Variants in RPH3A observed in about 807,000 individuals in gnomAD.
RPH3A encodes rabphilin 3A.
In RPH3A, 48 loss-of-function variants were observed where a neutral mutation model predicts 102.2. The observed-to-expected ratio is 0.47, with a 90% CI of 0.37 to 0.60. RPH3A has a LOEUF of 0.60. Ranked by LOEUF, RPH3A falls within the 20% of genes least tolerant of loss-of-function variation. RPH3A has a pLI of 0.00. For synonymous variants in RPH3A, 310 were observed against 324.3 expected, an observed-to-expected ratio of 0.96 and a Z score of 0.47; for missense variants, 781 against 910.1, an observed-to-expected ratio of 0.86 and a Z score of 1.83.
At chr12:112,852,110 C>A (rs1414440593) in intron 5 of RPH3A, among the ~76,000 whole-genome samples, 2 of 152,148 alleles carry the variant, frequency 1.3e-5, no homozygotes, top group African/African-American at 2.4e-5. Context: ...TTGGGCTGGG[C>A]TGGAAGGTGC....
At chr12:112,671,202 A>G (rs372702413) in intron 1 of RPH3A, among the ~76,000 whole-genome samples, 1 of 152,228 alleles carries the variant, frequency 6.6e-6, no homozygotes, top group East Asian at 1.9e-4. Context: ...CATATTAATT[A>G]GATACAGATT....
chr12:112,823,086 A>G (rs2041808042), intron 2 of RPH3A, among the ~76,000 whole-genome samples: 1 of 152,194 alleles, frequency 6.6e-6, no homozygotes, highest in African/African-American at 2.4e-5. Flanking sequence ...GTGATCTCTC[A>G]GTGTAGCCTG....
intron 1 of RPH3A, among the ~76,000 whole-genome samples, chr12:112,716,863 G>A (rs181192268): frequency 7.9e-5 from 12 of 152,330 alleles, no homozygotes; most frequent in Non-Finnish European, 7.3e-5. Flanking sequence ...GTGAGCACAG[G>A]TACACATTGG....
chr12:112,591,149 G>A (rs1370474772), intron 1 of RPH3A, among the ~76,000 whole-genome samples: 1 of 148,794 alleles, frequency 6.7e-6, no homozygotes, highest in East Asian at 2.0e-4. Context: ...ATGGGGTCTT[G>A]CTGTGTTGCC....
intron 1 of RPH3A, among the ~76,000 whole-genome samples, chr12:112,733,670 G>T (rs2040649171): frequency 6.6e-6 from 1 of 152,232 alleles, no homozygotes; most frequent in African/African-American, 2.4e-5. Flanking sequence ...GATCCCGAAG[G>T]TTCTCCTTGC....
chr12:112,863,421 G>A (rs1011376274), intron 5 of RPH3A, among the ~76,000 whole-genome samples: 10 of 152,134 alleles, frequency 6.6e-5, no homozygotes, highest in African/African-American at 9.7e-5. Context: ...GGGTCCAAGC[G>A]GTTCTCCTGC....
At chr12:112,737,506 A>G (rs1022982530) in intron 1 of RPH3A, among the ~76,000 whole-genome samples, 2 of 152,174 alleles carry the variant, frequency 1.3e-5, no homozygotes, top group African/African-American at 4.8e-5. Flanking sequence ...GATCTTCCCC[A>G]AAGGGAATCT....
chr12:112,769,744 G>A (rs1179619040), intron 1 of RPH3A, among the ~76,000 whole-genome samples: 1 of 152,146 alleles, frequency 6.6e-6, no homozygotes, highest in Non-Finnish European at 1.5e-5. Flanking sequence ...ATATGGACTG[G>A]GGTCAGGCTA....
chr12:112,712,655 T>TTG (rs544401987), intron 1 of RPH3A, among the ~76,000 whole-genome samples: 78 of 150,338 alleles, frequency 5.2e-4, no homozygotes, highest in East Asian at 2.5e-3. Context: ...TGTCCCCTAC[T>TTG]TGTGTGTGTG....
chr12:112,605,407 C>T (rs1019165304), intron 1 of RPH3A, among the ~76,000 whole-genome samples: 12 of 151,758 alleles, frequency 7.9e-5, no homozygotes, highest in Admixed American at 3.3e-4. Flanking sequence ...AAAACAAAAA[C>T]AAAAAAATCC....
intron 13 of RPH3A, among the ~76,000 whole-genome samples, chr12:112,878,690 C>A (rs1381334962): frequency 6.6e-6 from 1 of 152,188 alleles, no homozygotes; most frequent in African/African-American, 2.4e-5. Context: ...ATATGGATAA[C>A]GAGAAGGTGC....
In RPH3A at chr12:112,762,853, A is replaced by G. The variant is rs145519595; in HGVS notation, c.-139-29290A>G. The stretch of plus-strand genomic sequence containing the variant: ...AGAGTCTGAGATGTCCTCTCACTGG[A>G]CCAGTTTTAGTCATGTGCTCATCCT... On this transcript the variant is annotated intron_variant, in intron 1 of 21. Transcript: ENST00000543106. Among the ~76,000 whole-genome samples the G allele has an allele frequency of 6.7e-3, 1,025 of 152,298 alleles. 14 individuals are homozygous for G. The highest frequency in any genetic ancestry group is 0.024 in the African/African-American group (990 of 41,564).
chr12:112,612,171 G>A (rs965757920), intron 1 of RPH3A, among the ~76,000 whole-genome samples: 1 of 152,152 alleles, frequency 6.6e-6, no homozygotes, highest in South Asian at 2.1e-4. Flanking sequence ...ATATTTTTTG[G>A]GGGGGTGGGC....
chr12:112,883,053 A>C (rs929259146), intron 15 of RPH3A, among the ~76,000 whole-genome samples: 17 of 152,178 alleles, frequency 1.1e-4, no homozygotes, highest in African/African-American at 4.1e-4. Flanking sequence ...AAGTTCAAGG[A>C]GGAGGCTTAG....
intron 1 of RPH3A, among the ~76,000 whole-genome samples, chr12:112,588,105 G>T (rs558696031): frequency 3.3e-5 from 5 of 152,316 alleles, no homozygotes; most frequent in Admixed American, 2.0e-4. Context: ...GCACCTCTAT[G>T]ATGTCTATCA....
intron 2 of RPH3A, among the ~76,000 whole-genome samples, chr12:112,815,879 G>A (rs943968364): frequency 6.6e-6 from 1 of 152,186 alleles, no homozygotes; most frequent in Non-Finnish European, 1.5e-5. Flanking sequence ...AGATAAGCCA[G>A]GTTAACAGCA....
chr12:112,727,400 A>T (rs1371115262), intron 1 of RPH3A, among the ~76,000 whole-genome samples: 16 of 145,962 alleles, frequency 1.1e-4, no homozygotes, highest in Admixed American at 6.2e-4. Flanking sequence ...CAAAAAAAAA[A>T]AAAAAAATAT....
At chr12:112,876,306 G>C (rs1409518193) in intron 12 of RPH3A, among the ~76,000 whole-genome samples, 1 of 152,170 alleles carries the variant, frequency 6.6e-6, no homozygotes, top group African/African-American at 2.4e-5. Context: ...ACTATTATTT[G>C]AGGAGCTTCA....
At chr12:112,744,929 G>A (rs2040733874) in intron 1 of RPH3A, among the ~76,000 whole-genome samples, 1 of 152,140 alleles carries the variant, frequency 6.6e-6, no homozygotes, top group African/African-American at 2.4e-5. Flanking sequence ...TCAAAAGCAG[G>A]GAATTTACCA....
Sources: gnomAD v4.1 joint callset for allele counts (sites outside exome capture counted in the v4.1 genomes callset) on GRCh38, gnomAD v4.1.1 for gene constraint, MANE v1.5 for transcripts, NCBI Gene and HGNC (gene_info 2026-07-23, HGNC 2026-07-21) for gene names.